PARD3: variants seen among roughly 807,000 people sequenced by gnomAD.
PARD3 encodes the protein partitioning defective 3 homolog.
In PARD3, 75 loss-of-function variants were observed where a neutral mutation model predicts 155.4. The observed-to-expected ratio is 0.48, with a 90% CI of 0.40 to 0.58. The LOEUF is 0.58. Among genes scored for constraint, PARD3 ranks in the 20% least tolerant of loss-of-function variants. The pLI, the probability that PARD3 is intolerant of heterozygous loss-of-function variation, is 0.00. For missense variants in PARD3, 1,642 were observed against 1,721.7 expected, an observed-to-expected ratio of 0.95 and a Z score of 0.82; for synonymous variants, 576 against 610.5, an observed-to-expected ratio of 0.94 and a Z score of 0.83.
chr10:34,778,345 T>C (rs1323564632), intron 1 of PARD3, among the ~76,000 whole-genome samples: 1 of 152,180 alleles, frequency 6.6e-6, no homozygotes, highest in Non-Finnish European at 1.5e-5. Context: ...CAAAGGCTGG[T>C]TCAAATCCAC....
At chr10:34,544,293 T>A (rs2083872918) in intron 2 of PARD3, among the ~76,000 whole-genome samples, 1 of 152,218 alleles carries the variant, frequency 6.6e-6, no homozygotes, top group Admixed American at 6.5e-5. Flanking sequence ...ATTATAGGTA[T>A]ATACTTAGAT....
chr10:34,648,127 G>C (rs2133023161), intron 2 of PARD3, among the ~76,000 whole-genome samples: 1 of 152,288 alleles, frequency 6.6e-6, no homozygotes, highest in Non-Finnish European at 1.5e-5. Flanking sequence ...GACTGCATTT[G>C]ATTTATACAA....
chr10:34,345,437 A>G, intron 15 of PARD3: 1 of 985,376 alleles, frequency 1.0e-6, no homozygotes, highest in Non-Finnish European at 1.2e-6. Context: ...CAGAATTTCA[A>G]TACAAAGTTC....
chr10:34,486,742 T>C (rs926705966), intron 3 of PARD3, among the ~76,000 whole-genome samples: 4 of 152,334 alleles, frequency 2.6e-5, no homozygotes, highest in African/African-American at 9.6e-5. Flanking sequence ...TGCATTTCAT[T>C]GTCCTGGTGA....
At chr10:34,387,658 CA>C (rs1434211374) in intron 7 of PARD3, among the ~76,000 whole-genome samples, 1 of 152,100 alleles carries the variant, frequency 6.6e-6, no homozygotes, top group East Asian at 1.9e-4. Context: ...CTTGGCCTCC[CA>C]AAAGTATTGG....
At chr10:34,452,730 A>C (rs1272631143) in intron 4 of PARD3, among the ~76,000 whole-genome samples, 1 of 152,206 alleles carries the variant, frequency 6.6e-6, no homozygotes, top group Admixed American at 6.5e-5. Context: ...ACTTTTAAGC[A>C]CAAGTCACGA....
At chr10:34,348,173 G>A in intron 14 of PARD3, 58 bp from the exon 15 acceptor site, 1 of 1,454,604 alleles carries the variant, frequency 6.9e-7, no homozygotes, top group Non-Finnish European at 9.3e-7. Context: ...CCAATTAGCA[G>A]CATGGGAGAA....
At chr10:34,588,748 T>C (rs1168226580) in intron 2 of PARD3, among the ~76,000 whole-genome samples, 1 of 152,204 alleles carries the variant, frequency 6.6e-6, no homozygotes, top group Non-Finnish European at 1.5e-5. Flanking sequence ...ACCTGCAAAT[T>C]GTGCAGCCAC....
chr10:34,743,794 A>G (rs2095059816), intron 1 of PARD3, among the ~76,000 whole-genome samples: 2 of 152,312 alleles, frequency 1.3e-5, no homozygotes, highest in South Asian at 4.2e-4. Flanking sequence ...GAGGAAAAAC[A>G]GGGTTGGTCT....
At position 34,653,738 on chromosome 10, in the gene PARD3, G is replaced by A. The variant is rs897397124; in HGVS notation, c.222+42580C>T. ...CTCAAGGATGCAGTGAGCTATGTTCGCACCTGTGAATAGCCACCGCACTCT... is the reference window on the plus strand; with the variant it reads ...CTCAAGGATGCAGTGAGCTATGTTCACACCTGTGAATAGCCACCGCACTCT... On this transcript the variant is annotated intron_variant, in intron 2 of 24. Transcript: ENST00000374788. Among the ~76,000 whole-genome samples the A allele has an allele frequency of 5.4e-5, 8 of 148,576 alleles. No individual in the cohort carries two copies. The East Asian group carries it at 9.9e-4, about 18-fold the overall frequency.
intron 1 of PARD3, among the ~76,000 whole-genome samples, chr10:34,711,854 C>A (rs1284269126): frequency 1.3e-5 from 2 of 152,174 alleles, no homozygotes. Flanking sequence ...CACCCTTTAT[C>A]CTGTCCCTCA....
intron 20 of PARD3, among the ~76,000 whole-genome samples, chr10:34,316,152 T>C (rs1031578812): frequency 4.6e-5 from 7 of 152,250 alleles, no homozygotes; most frequent in African/African-American, 7.2e-5. Flanking sequence ...GGATCCATAA[T>C]GCAGGATAAC....
intron 3 of PARD3, among the ~76,000 whole-genome samples, chr10:34,477,934 A>C (rs2078819641): frequency 6.6e-6 from 1 of 152,240 alleles, no homozygotes; most frequent in Admixed American, 6.5e-5. Context: ...GGAAGAACCA[A>C]GTTATTATCA....
chr10:34,771,161 T>C (rs1838812257), intron 1 of PARD3, among the ~76,000 whole-genome samples: 1 of 152,230 alleles, frequency 6.6e-6, no homozygotes, highest in Admixed American at 6.5e-5. Flanking sequence ...AAATTCATAA[T>C]GTCTTTTAAA....
intron 21 of PARD3, among the ~76,000 whole-genome samples, chr10:34,278,982 C>A (rs1303954418): frequency 6.6e-6 from 1 of 152,118 alleles, no homozygotes; most frequent in African/African-American, 2.4e-5. Flanking sequence ...ATTGCCAATG[C>A]AGAGAGATGC....
chr10:34,579,570 G>GTGTGTGTGTA, intron 2 of PARD3, among the ~76,000 whole-genome samples: 1 of 138,336 alleles, frequency 7.2e-6, no homozygotes, highest in Admixed American at 7.1e-5. Context: ...GTGTGTGTGT[G>GTGTGTGTGTA]TGTGTGTGTG....
At chr10:34,275,359 C>T (rs1019280987) in intron 21 of PARD3, among the ~76,000 whole-genome samples, 1 of 152,194 alleles carries the variant, frequency 6.6e-6, no homozygotes, top group African/African-American at 2.4e-5. Context: ...GGTAGAACTA[C>T]TGCCGCAAAA....
chr10:34,352,056 C>T (rs1169762031), intron 14 of PARD3, among the ~76,000 whole-genome samples: 2 of 152,198 alleles, frequency 1.3e-5, no homozygotes, highest in Admixed American at 6.5e-5. Context: ...AGACAGAAAG[C>T]TCACCTGGCG....
intron 1 of PARD3, among the ~76,000 whole-genome samples, chr10:34,744,342 T>C (rs1366436916): frequency 6.6e-6 from 1 of 152,194 alleles, no homozygotes; most frequent in Non-Finnish European, 1.5e-5. Context: ...ACATTTACCA[T>C]CTCAAAAATA....
Sources: allele counts gnomAD v4.1 joint callset (sites outside exome capture counted in the v4.1 genomes callset), GRCh38; gene constraint gnomAD v4.1.1; transcripts MANE v1.5; gene names NCBI Gene and HGNC (gene_info 2026-07-23, HGNC 2026-07-21).